CEP162: variants seen among roughly 807,000 people sequenced by gnomAD.
CEP162 encodes the protein centrosomal protein 162.
A neutral mutation model predicts 169.2 loss-of-function variants in CEP162; 141 were observed. The ratio of observed to expected loss-of-function variants is 0.83; its 90% CI spans 0.73 to 0.96. The LOEUF is 0.96. Among genes scored for constraint, CEP162 ranks in the 40% least tolerant of loss-of-function variants. The pLI is 0.00. For missense variants in CEP162, 1,600 were observed against 1,587.2 expected (o/e 1.01, Z -0.14); for synonymous variants, 540 against 526.4 (o/e 1.03, Z -0.35).
intron 21 of CEP162, among the ~76,000 whole-genome samples, chr6:84,156,062 A>C (rs1340737530): frequency 6.6e-6 from 1 of 151,748 alleles, no homozygotes; most frequent in Non-Finnish European, 1.5e-5. Flanking sequence ...TAGAGAACCC[A>C]AAAATTAAGC....
At chr6:84,129,546 T>C (rs1054602750) in intron 25 of CEP162, among the ~76,000 whole-genome samples, 2 of 152,222 alleles carry the variant, frequency 1.3e-5, no homozygotes, top group African/African-American at 4.8e-5. Flanking sequence ...TTTTTTCTTG[T>C]AAATTTGTTT....
chr6:84,142,430 A>AT (rs1053307959), intron 25 of CEP162, among the ~76,000 whole-genome samples: 10 of 151,994 alleles, frequency 6.6e-5, no homozygotes, highest in African/African-American at 2.4e-4. Flanking sequence ...ATACGTATAC[A>AT]TTTTTTTTCT....
intron 20 of CEP162, 84 bp downstream of exon 20, chr6:84,161,662 G>T (rs187417144): frequency 2.2e-6 from 2 of 930,132 alleles, no homozygotes; most frequent in African/African-American, 3.4e-5. Flanking sequence ...AATTAATGAT[G>T]CAATGACAAA....
intron 14 of CEP162, 58 bp downstream of exon 14, chr6:84,175,152 AATTT>A: frequency 8.8e-7 from 1 of 1,130,906 alleles, no homozygotes; most frequent in East Asian, 2.7e-5. Context: ...TGTTATATAT[AATTT>A]AGTTTTAATA....
Position 84,161,802 on chromosome 6 carries a change from T to C in CEP162, c.2620A>G (p.Lys874Glu). 1.2e-6 allele frequency: 2 copies of C among 1,602,656 alleles called. No homozygotes were observed. The highest frequency in any genetic ancestry group is 1.7e-6 in the Non-Finnish European group (2 of 1,173,660). ...WYAENQELLD[K>E]DALRLREANE... ...GCTTCTCTAAGCCGAAGTGCATCTT[T>C]ATCCAGAAGTTCCTGATTTTCAGCA... The change falls in exon 20 of 27, where the codon AAA (lysine) becomes GAA (glutamate). Residue 874 changes from lysine (K) to glutamate (E), a missense_variant. Physicochemically the swap from Lys to Glu is moderately conservative, Grantham distance 56. Coordinates refer to ENST00000403245, the MANE Select transcript of CEP162 (RefSeq NM_014895.4).
rs1431287223 is a variant in CEP162 at position 84,155,314 on chromosome 6, T to C, written c.2978A>G (p.Gln993Arg). Reference sequence around the variant, plus strand: ...ACCACTTACCTTCATTTTCTGAAACTGTTGTTCCATGGTACGAAGGCTTTT... The same window carrying C: ...ACCACTTACCTTCATTTTCTGAAACCGTTGTTCCATGGTACGAAGGCTTTT... ...AKKSLRTMEQQFQKMKIQYEQ... is the reference protein window; with the variant it reads ...AKKSLRTMEQRFQKMKIQYEQ... Residue 993 changes from glutamine to arginine, a missense_variant, in exon 22 of 27, where the codon CAG (glutamine) becomes CGG (arginine). Coordinates refer to ENST00000403245, the MANE Select transcript of CEP162 (RefSeq NM_014895.4). The C allele has an allele frequency of 6.2e-7, 1 of 1,613,202 alleles. No homozygotes were observed. Among genetic ancestry groups the C allele is most frequent in the East Asian group, 2.2e-5 (1 of 44,850 alleles).
chr6:84,152,228 C>T (rs2099521375), intron 23 of CEP162, among the ~76,000 whole-genome samples: 1 of 152,168 alleles, frequency 6.6e-6, no homozygotes, highest in South Asian at 2.1e-4. Flanking sequence ...TAAACTATGA[C>T]ATTCCTTTGC....
At chr6:84,140,529 TTTG>T (rs1477615200) in intron 25 of CEP162, among the ~76,000 whole-genome samples, 1 of 139,748 alleles carries the variant, frequency 7.2e-6, no homozygotes, top group African/African-American at 3.4e-5. Context: ...TTCTTGGTTT[TTTG>T]TTTGTTTTTC....
In CEP162 at chr6:84,189,632, C is replaced by T. The variant is rs535891037; in HGVS notation, c.1110-3009G>A. ...AGGGCAGGGCTCGGGACCTGCAGCC[C>T]GCCATGCCTGAGCCTCCCACCCACT... On this transcript the variant is annotated intron_variant, in intron 11 of 26. Transcript: ENST00000403245. 1.1e-3 allele frequency among the ~76,000 whole-genome samples: 168 copies of T among 152,340 alleles called. 1 individual carries two copies. The highest frequency in any genetic ancestry group is 3.7e-3 in the African/African-American group (152 of 41,588).
At chr6:84,134,857 A>G (rs2099513235) in intron 25 of CEP162, among the ~76,000 whole-genome samples, 1 of 151,920 alleles carries the variant, frequency 6.6e-6, no homozygotes, top group South Asian at 2.1e-4. Context: ...TAATGCCTCT[A>G]TTTTGAAATG....
chr6:84,206,457 T>C (rs2099547133), intron 6 of CEP162, among the ~76,000 whole-genome samples: 1 of 152,072 alleles, frequency 6.6e-6, no homozygotes, highest in East Asian at 1.9e-4. Flanking sequence ...CTGACAAAAA[T>C]AAGAAATGAG....
At chr6:84,208,217 A>G (rs889051318) in intron 6 of CEP162, among the ~76,000 whole-genome samples, 5 of 152,144 alleles carry the variant, frequency 3.3e-5, no homozygotes, top group African/African-American at 1.2e-4. Context: ...AAGTGTCTCC[A>G]TGTTAACTGA....
chr6:84,180,154 G>C (rs890373767), intron 13 of CEP162, among the ~76,000 whole-genome samples: 1 of 152,248 alleles, frequency 6.6e-6, no homozygotes, highest in South Asian at 2.1e-4. Flanking sequence ...CCATGATCAG[G>C]TGGGCTTCAT....
At chr6:84,163,061 A>G in intron 19 of CEP162, 83 bp downstream of exon 19, 2 of 1,321,034 alleles carry the variant, frequency 1.5e-6, no homozygotes, top group Non-Finnish European at 2.1e-6. Context: ...CATTTTGATT[A>G]TACCATTCAA....
intron 6 of CEP162, among the ~76,000 whole-genome samples, chr6:84,207,885 A>C (rs2099547886): frequency 6.6e-6 from 1 of 152,198 alleles, no homozygotes; most frequent in Non-Finnish European, 1.5e-5. Flanking sequence ...AGAATCTTGA[A>C]TTACCTTTAA....
chr6:84,194,455 C>CTTT (rs1161034049), intron 10 of CEP162, among the ~76,000 whole-genome samples: 1 of 137,290 alleles, frequency 7.3e-6, no homozygotes, highest in Admixed American at 7.2e-5. Context: ...TTGAAAAAAT[C>CTTT]TTTTTTTTTT....
At chr6:84,185,090 G>T in intron 13 of CEP162, 97 bp downstream of exon 13, 1 of 1,145,940 alleles carries the variant, frequency 8.7e-7, no homozygotes, top group Non-Finnish European at 1.2e-6. Context: ...GTTGCCTCCT[G>T]CAAATTGAAT....
intron 25 of CEP162, among the ~76,000 whole-genome samples, chr6:84,144,965 C>A (rs2099518185): frequency 6.6e-6 from 1 of 152,094 alleles, no homozygotes; most frequent in Non-Finnish European, 1.5e-5. Flanking sequence ...CAGTAAGAAT[C>A]TGTTCTCTTT....
intron 13 of CEP162, among the ~76,000 whole-genome samples, chr6:84,180,111 C>T (rs1235398011): frequency 1.3e-5 from 2 of 152,148 alleles, no homozygotes; most frequent in African/African-American, 4.8e-5. Flanking sequence ...TACTGGCAAA[C>T]CGAATCCAGC....
Sources: allele counts gnomAD v4.1 joint callset (sites outside exome capture counted in the v4.1 genomes callset), GRCh38; gene constraint gnomAD v4.1.1; transcripts MANE v1.5; gene names NCBI Gene and HGNC (gene_info 2026-07-23, HGNC 2026-07-21).